The following PCDHA1 variants were observed in gnomAD, a reference collection of about 807,000 sequenced individuals.
PCDHA1 encodes protocadherin alpha-1.
Under a neutral mutation model 61.3 loss-of-function variants are expected in PCDHA1, and 42 were observed. That is an observed-to-expected ratio of 0.69 (90% CI 0.54 to 0.89). PCDHA1 has a LOEUF of 0.89. PCDHA1 is among the 40% of genes least tolerant of loss of function. The pLI, the probability that PCDHA1 is intolerant of heterozygous loss-of-function variation, is 0.00. For synonymous variants in PCDHA1, 610 were observed against 553.8 expected (o/e 1.10, Z -1.43); for missense variants, 1,256 against 1,235.3 (o/e 1.02, Z -0.25).
intron 1 of PCDHA1, among the ~76,000 whole-genome samples, chr5:140,791,805 A>G (rs1318696172): frequency 6.6e-6 from 1 of 151,838 alleles, no homozygotes; most frequent in South Asian, 2.1e-4. Context: ...CTTAGCATCC[A>G]CTCCCCTTGT....
chr5:140,795,450 A>G (rs782265276), intron 1 of PCDHA1: 3 of 1,614,190 alleles, frequency 1.9e-6, no homozygotes, highest in African/African-American at 1.3e-5. Context: ...ATGCAGATAT[A>G]GGAGTAAATG....
intron 3 of PCDHA1, among the ~76,000 whole-genome samples, chr5:140,995,545 T>C (rs998594175): frequency 1.3e-5 from 2 of 152,206 alleles, no homozygotes; most frequent in Non-Finnish European, 2.9e-5. Flanking sequence ...TAAGGGGCGA[T>C]CACTGTACTG....
intron 1 of PCDHA1, chr5:140,836,653 G>C (rs2150266924): frequency 6.2e-7 from 1 of 1,613,508 alleles, no homozygotes; most frequent in East Asian, 2.2e-5. Context: ...AGGCGGCAGA[G>C]GGTGTGCTCT....
At chr5:140,804,868 AT>A in intron 1 of PCDHA1, 1 of 562,698 alleles carries the variant, frequency 1.8e-6, no homozygotes, top group Non-Finnish European at 2.9e-6. Flanking sequence ...TAAAATAGAT[AT>A]TTTTCTTGAC....
At chr5:140,792,288 C>A (rs576803760) in intron 1 of PCDHA1, among the ~76,000 whole-genome samples, 1 of 152,166 alleles carries the variant, frequency 6.6e-6, no homozygotes, top group East Asian at 1.9e-4. Flanking sequence ...AAGGGGCAAC[C>A]ATCATTGGAT....
chr5:140,862,382 G>T, intron 1 of PCDHA1: 1 of 345,046 alleles, frequency 2.9e-6, no homozygotes, highest in South Asian at 2.3e-5. Flanking sequence ...GACTCCTCAC[G>T]TCTCTTCAAG....
chr5:140,852,129 C>T (rs2042245206), intron 1 of PCDHA1: 2 of 891,056 alleles, frequency 2.2e-6, no homozygotes, highest in South Asian at 5.1e-5. Context: ...ATTAAAAACT[C>T]AGTAGAGAAA....
At chr5:140,959,234 G>A (rs2095475246) in intron 1 of PCDHA1, among the ~76,000 whole-genome samples, 2 of 152,106 alleles carry the variant, frequency 1.3e-5, no homozygotes, top group Admixed American at 6.5e-5. Context: ...AAAATTATCT[G>A]GGCATGATAG....
chr5:140,792,935 C>T (rs1015008746), intron 1 of PCDHA1, among the ~76,000 whole-genome samples: 1 of 152,196 alleles, frequency 6.6e-6, no homozygotes, highest in Non-Finnish European at 1.5e-5. Flanking sequence ...AAAAACCAAC[C>T]TCCCACTTTT....
At chr5:140,858,080 T>C in intron 1 of PCDHA1, 1 of 1,597,738 alleles carries the variant, frequency 6.3e-7, no homozygotes, top group Non-Finnish European at 8.6e-7. Flanking sequence ...ACCCAAGGCC[T>C]CGTCGCGGGC....
intron 1 of PCDHA1, chr5:140,877,544 C>A (rs782624202): frequency 6.2e-7 from 1 of 1,613,676 alleles, no homozygotes; most frequent in African/African-American, 1.3e-5. Context: ...GATCCCGAAG[C>A]GGCTCTGGTG....
intron 3 of PCDHA1, among the ~76,000 whole-genome samples, chr5:140,999,049 A>C (rs962383659): frequency 1.3e-5 from 2 of 152,214 alleles, no homozygotes; most frequent in African/African-American, 4.8e-5. Flanking sequence ...TGTGCTTTCC[A>C]CCATGCCTAA....
chr5:140,800,848 A>T, intron 1 of PCDHA1: 1 of 216,888 alleles, frequency 4.6e-6, no homozygotes, highest in Non-Finnish European at 8.9e-6. Flanking sequence ...GTGAATTAGT[A>T]TAAAAGTTCT....
In PCDHA1 at chr5:141,011,694, G is replaced by A. The variant is rs1473857552; in HGVS notation, c.*1757G>A. 1.3e-5 allele frequency: 2 copies of A among 153,662 alleles called. No individual in the cohort carries two copies. Among genetic ancestry groups the A allele is most frequent in the African/African-American group, 4.8e-5 (2 of 41,412 alleles). The allele number at this position is 153,662 out of a possible 1,614,324, so 9.5% of individuals were successfully genotyped here. On this transcript the variant is annotated 3_prime_UTR_variant, in exon 4 of 4. Coordinates refer to ENST00000504120, the MANE Select transcript of PCDHA1 (RefSeq NM_018900.4). The stretch of plus-strand genomic sequence containing the variant: ...CTGTTTTGTTCTAGTAACAATTTTG[G>A]AATGAATACTGACAATATTCCATGA...
rs1562179138 is a variant in PCDHA1, at chr5:140,801,463, G to A, written c.2394+12779G>A. 6.2e-7 allele frequency: 1 copy of A among 1,613,928 alleles called. No homozygotes were observed. Among genetic ancestry groups the A allele is most frequent in the African/African-American group, 1.3e-5 (1 of 74,942 alleles). On this transcript the variant is annotated intron_variant, in intron 1 of 3. Transcript: ENST00000504120. ...AATGGCATTTTGTTTGTGAATTCTC[G>A]GATAGACCGCGAGGAACTGTGCGGG... is the stretch of plus-strand genomic sequence containing the variant.
intron 1 of PCDHA1, chr5:140,869,286 G>C: frequency 6.2e-7 from 1 of 1,613,616 alleles, no homozygotes; most frequent in Non-Finnish European, 8.5e-7. Flanking sequence ...AGCTGGTGCA[G>C]CGCCTGTTCC....
At chr5:140,912,652 G>A (rs555103404) in intron 1 of PCDHA1, among the ~76,000 whole-genome samples, 2 of 152,132 alleles carry the variant, frequency 1.3e-5, no homozygotes, top group South Asian at 2.1e-4. Context: ...TTGAATAGAA[G>A]TGGTGAAAAT....
intron 1 of PCDHA1, among the ~76,000 whole-genome samples, chr5:140,838,676 C>T (rs1236293841): frequency 6.6e-6 from 1 of 152,090 alleles, no homozygotes; most frequent in East Asian, 1.9e-4. Flanking sequence ...TGGCACACAC[C>T]TTTAACCCCA....
At chr5:140,836,137 T>C (rs1774231095) in intron 1 of PCDHA1, 1 of 1,613,594 alleles carries the variant, frequency 6.2e-7, no homozygotes, top group South Asian at 1.1e-5. Context: ...CCGCGGTCTG[T>C]GGGCGCGGGC....
Sources: gnomAD v4.1 joint callset for allele counts (sites outside exome capture counted in the v4.1 genomes callset) on GRCh38, gnomAD v4.1.1 for gene constraint, MANE v1.5 for transcripts, NCBI Gene and HGNC (gene_info 2026-07-23, HGNC 2026-07-21) for gene names.